CSF2RB: variants seen among roughly 807,000 people sequenced by gnomAD.
CSF2RB encodes the protein colony stimulating factor 2 receptor subunit beta.
CSF2RB carries 22 observed loss-of-function variants against 67.2 expected under a neutral mutation model. That is an observed-to-expected ratio of 0.33 (90% confidence interval 0.23 to 0.47). CSF2RB has a LOEUF of 0.47. Ranked by LOEUF, CSF2RB falls within the 20% of genes least tolerant of loss-of-function variation. The pLI is 1.00. For synonymous variants in CSF2RB, 507 were observed against 482.9 expected (o/e 1.05, Z -0.65); for missense variants, 1,113 against 1,174.5 (o/e 0.95, Z 0.76).
At chr22:36,925,600 G>A (rs923254489) in intron 3 of CSF2RB, among the ~76,000 whole-genome samples, 6 of 152,122 alleles carry the variant, frequency 3.9e-5, no homozygotes, top group African/African-American at 7.2e-5. Flanking sequence ...GCCTTTGCAC[G>A]TGCTGTTCCC....
intron 4 of CSF2RB, among the ~76,000 whole-genome samples, chr22:36,926,751 G>A (rs566796487): frequency 6.6e-5 from 10 of 152,366 alleles, no homozygotes; most frequent in African/African-American, 2.2e-4. Flanking sequence ...ATTATTTTAT[G>A]TAGTTAGGTT....
chr22:36,922,548 A>T, intron 2 of CSF2RB: 1 of 577,430 alleles, frequency 1.7e-6, no homozygotes, highest in Non-Finnish European at 3.1e-6. Context: ...CCTAGGCTCC[A>T]GGATGGCTGC....
At position 36,924,817 on chromosome 22, in the gene CSF2RB, C is replaced by T. The variant is rs946395880; in HGVS notation, c.201-1170C>T. 6.6e-5 allele frequency among the ~76,000 whole-genome samples: 10 copies of T among 152,254 alleles called. No homozygotes were observed. The East Asian group carries it at 1.6e-3, about 24-fold the overall frequency. ...CTGCCCACAGCTCACCCAGTGCCCCCGGGGCCCTGCCCATCCTCCTCTTTC... is the reference window on the plus strand; with the variant it reads ...CTGCCCACAGCTCACCCAGTGCCCCTGGGGCCCTGCCCATCCTCCTCTTTC... On this transcript the variant is annotated intron_variant, in intron 3 of 13. Transcript: ENST00000403662.
intron 2 of CSF2RB, 69 bp downstream of exon 2, chr22:36,922,352 A>C: frequency 7.0e-7 from 1 of 1,437,504 alleles, no homozygotes; most frequent in Middle Eastern, 2.1e-4. Flanking sequence ...GGAGGGCCGC[A>C]GCGTATCCTC....
In CSF2RB at chr22:36,937,431, C is replaced by A. The variant is rs1402510248; in HGVS notation, c.1623C>A (p.Asp541Glu). ...AGGTGTCACCTCTCACCATAGAGGA[C>A]CCCAAGCATGTCTGTGATCCACCAT... is the stretch of plus-strand genomic sequence containing the variant. ...DSEVSPLTIE[D>E]PKHVCDPPSG... The change falls in exon 14 of 14, where the codon GAC (aspartate) becomes GAA (glutamate). Residue 541 changes from aspartate (D) to glutamate (E), a missense_variant. By Grantham distance (45) the Asp-to-Glu change is conservative. This residue lies in a region of CSF2RB where 554 missense variants were observed against 517.9 expected (regional missense o/e 1.07). Coordinates refer to ENST00000403662, the MANE Select transcript of CSF2RB (RefSeq NM_000395.3). The surrounding 1 kb of genome is among the most constrained non-coding windows in gnomAD (Gnocchi z 4.6). 1.2e-6 allele frequency: 2 copies of A among 1,614,056 alleles called. No homozygotes were observed. The highest frequency in any genetic ancestry group is 2.2e-5 in the East Asian group (1 of 44,876).
intron 3 of CSF2RB, 34 bp from the exon 4 acceptor site, chr22:36,925,953 A>C: frequency 6.2e-7 from 1 of 1,612,850 alleles, no homozygotes. Flanking sequence ...TGATACCCAT[A>C]CACCCTGGGC....
chr22:36,937,814 A>T lies in CSF2RB; in HGVS notation c.2006A>T (p.Glu669Val). ...SQGAAGSPSL[E>V]SGGGPAPPAL... ...GGGGCTGCAGGGAGTCCCTCCCTGG[A>T]GTCCGGGGGAGGCCCTGCCCCTCCT... The change falls in exon 14 of 14, where the codon GAG becomes GTG. Residue 669 changes from glutamate to valine, a missense_variant. This residue lies in a region of CSF2RB where 554 missense variants were observed against 517.9 expected (regional missense o/e 1.07). Coordinates refer to ENST00000403662, the MANE Select transcript of CSF2RB (RefSeq NM_000395.3). This position sits in a 1 kb window ranked among gnomAD's most constrained non-coding sequence, Gnocchi z 4.6. The T allele has an allele frequency of 6.2e-7, 1 of 1,601,610 alleles. No homozygotes were observed. The highest frequency in any genetic ancestry group is 8.5e-7 in the Non-Finnish European group (1 of 1,174,540).
rs1941098020 is a variant in CSF2RB at position 36,929,391 on chromosome 22, C to T, written c.392-11C>T. Reference sequence around the variant, plus strand: ...CCAGCCCTTAGGTGCCCTTCACTTCCTCCCCTCCAGTCCAGCCTCCTGAGC... The same window carrying T: ...CCAGCCCTTAGGTGCCCTTCACTTCTTCCCCTCCAGTCCAGCCTCCTGAGC... On this transcript the variant is annotated splice_polypyrimidine_tract_variant and intron_variant, in intron 4 of 13. Coordinates refer to ENST00000403662, the MANE Select transcript of CSF2RB (RefSeq NM_000395.3). 6.2e-7 allele frequency: 1 copy of T among 1,614,204 alleles called. No homozygotes were observed. Among genetic ancestry groups the T allele is most frequent in the Non-Finnish European group, 8.5e-7 (1 of 1,180,024 alleles).
chr22:36,923,183 G>T (rs1940920352), intron 2 of CSF2RB, 61 bp from the exon 3 acceptor site: 1 of 1,613,458 alleles, frequency 6.2e-7, no homozygotes, highest in Middle Eastern at 1.7e-4. Flanking sequence ...GCAGCTGGGG[G>T]TGATGGTGAC....
rs1941342905 is a variant in CSF2RB, at chr22:36,939,420, C to T, written c.*918C>T. 2.7e-5 allele frequency: 16 copies of T among 602,684 alleles called. No individual in the cohort carries two copies. In the South Asian group the frequency reaches 3.0e-4, roughly 11 times the overall value. 37.3% of individuals were successfully genotyped at this position (602,684 alleles called of 1,614,324 possible). A position where few individuals can be genotyped will look rare whatever the true frequency, so the allele number is the denominator to read the frequency against. ...CCTTTGGTCCAAATGGCCCGGGTGG[C>T]CACTCTTCCAGATAGACCAGGCAAC... On this transcript the variant is annotated 3_prime_UTR_variant, in exon 14 of 14. Coordinates refer to ENST00000403662, the MANE Select transcript of CSF2RB (RefSeq NM_000395.3).
Position 36,936,614 on chromosome 22 carries a change from C to G in CSF2RB, c.1530C>G (p.His510Gln). 6.2e-7 allele frequency: 1 copy of G among 1,613,642 alleles called. No homozygotes were observed. Among genetic ancestry groups the G allele is most frequent in the Non-Finnish European group, 8.5e-7 (1 of 1,179,970 alleles). The change falls in exon 13 of 14, where the codon CAC (histidine) becomes CAG (glutamine). Residue 510 changes from histidine to glutamine, a missense_variant. This residue lies in a region of CSF2RB where 554 missense variants were observed against 517.9 expected (regional missense o/e 1.07). Coordinates refer to ENST00000403662, the MANE Select transcript of CSF2RB (RefSeq NM_000395.3). The stretch of plus-strand genomic sequence containing the variant: ...CCTTCACTAGCGGGAGTCCCCCACA[C>G]CAGGGGCCGTGGGGCAGCCGCTTCC... ...MSAFTSGSPP[H>Q]QGPWGSRFPE...
At position 36,929,784 on chromosome 22, in the gene CSF2RB, A is replaced by T. The variant is rs777167803; in HGVS notation, c.695A>T (p.Glu232Val). 6.2e-7 allele frequency: 1 copy of T among 1,613,898 alleles called. No individual in the cohort carries two copies. Among genetic ancestry groups the T allele is most frequent in the Non-Finnish European group, 8.5e-7 (1 of 1,179,948 alleles). ...LSGRPSKWSP[E>V]VCWDSQPGDE... ...GGACGTCCCAGCAAGTGGAGCCCAG[A>T]GGTTTGCTGGGACTCCCAGCCAGGT... Residue 232 changes from glutamate to valine, a missense_variant, in exon 6 of 14, where the codon GAG becomes GTG. Physicochemically the swap from Glu to Val is moderately radical, Grantham distance 121. Coordinates refer to ENST00000403662, the MANE Select transcript of CSF2RB (RefSeq NM_000395.3).
chr22:36,937,266 G>T lies in CSF2RB; in HGVS notation c.1569-111G>T. 1 of 1,348,536 alleles carries T rather than the reference G, an allele frequency of 7.4e-7. No homozygotes were observed. The allele number at this position is 1,348,536 out of a possible 1,614,324, so 83.5% of individuals were successfully genotyped here. A position where few individuals can be genotyped will look rare whatever the true frequency, so the allele number is the denominator to read the frequency against. ...TTCAGGTTCTCTCTGTGAGATCTGG[G>T]GGACATCAGGGCTTCCAGAGAACCA... is the stretch of plus-strand genomic sequence containing the variant. On this transcript the variant is annotated intron_variant, in intron 13 of 13. Transcript: ENST00000403662. This position sits in a 1 kb window ranked among gnomAD's most constrained non-coding sequence, Gnocchi z 4.6.
chr22:36,923,120 T>A, intron 2 of CSF2RB, 124 bp from the exon 3 acceptor site: 1 of 1,444,434 alleles, frequency 6.9e-7, no homozygotes, highest in Non-Finnish European at 9.6e-7. Flanking sequence ...CCTGGCCACC[T>A]GGTGCCTCTG....
intron 4 of CSF2RB, 49 bp downstream of exon 4, chr22:36,926,226 C>T (rs1481441970): frequency 9.4e-6 from 15 of 1,589,134 alleles, no homozygotes; most frequent in Non-Finnish European, 1.3e-5. Flanking sequence ...GTGTGGACAG[C>T]GGGGGCACCA....
At chr22:36,924,715 T>A (rs1458627516) in intron 3 of CSF2RB, among the ~76,000 whole-genome samples, 1 of 152,096 alleles carries the variant, frequency 6.6e-6, no homozygotes, top group African/African-American at 2.4e-5. Flanking sequence ...GCCTCCGCCT[T>A]CTTCCTACTT....
intron 4 of CSF2RB, among the ~76,000 whole-genome samples, chr22:36,927,468 G>C (rs1941042572): frequency 6.6e-6 from 1 of 150,720 alleles, no homozygotes; most frequent in Non-Finnish European, 1.5e-5. Context: ...AGACAGGAGG[G>C]GAGGGCAGTA....
intron 4 of CSF2RB, 44 bp from the exon 5 acceptor site, chr22:36,929,358 C>A (rs200604301): frequency 1.2e-4 from 197 of 1,613,900 alleles, no homozygotes; most frequent in Non-Finnish European, 1.6e-4. Context: ...TGACTGCCCC[C>A]CAGCGGTCCA....
In CSF2RB at chr22:36,929,623, C is replaced by T; in HGVS notation, c.550-16C>T. On this transcript the variant is annotated splice_polypyrimidine_tract_variant and intron_variant, in intron 5 of 13. Coordinates refer to ENST00000403662, the MANE Select transcript of CSF2RB (RefSeq NM_000395.3). ...TGGGCAGCACCCCTCCTCCAGCACC[C>T]ACTGTCTCCTGACAGGACGCAGCCA... The T allele has an allele frequency of 1.9e-6, 3 of 1,614,226 alleles. No individual in the cohort carries two copies. The highest frequency in any genetic ancestry group is 2.5e-6 in the Non-Finnish European group (3 of 1,180,042).
Sources: gnomAD v4.1 joint callset for allele counts (sites outside exome capture counted in the v4.1 genomes callset) on GRCh38, gnomAD v4.1.1 for gene constraint, gnomAD v4.1.1 regional missense constraint, Gnocchi (gnomAD v3.1) non-coding constraint, MANE v1.5 for transcripts, NCBI Gene and HGNC (gene_info 2026-07-23, HGNC 2026-07-21) for gene names.